FBN1: variants seen among roughly 807,000 people sequenced by gnomAD.
FBN1 encodes the protein fibrillin 1, also known as fibrillin-1.
Under a neutral mutation model 365.1 loss-of-function variants are expected in FBN1, and 29 were observed. The ratio of observed to expected loss-of-function variants is 0.08; its 90% CI spans 0.06 to 0.11. The LOEUF is 0.11. Among genes scored for constraint, FBN1 ranks in the 10% least tolerant of loss-of-function variants. The pLI is 1.00. For synonymous variants in FBN1, 1,210 were observed against 1,270.5 expected, an observed-to-expected ratio of 0.95 and a Z score of 1.01; for missense variants, 2,476 against 3,703.2, an observed-to-expected ratio of 0.67 and a Z score of 8.60.
At chr15:48,549,243 G>T (rs926712673) in intron 6 of FBN1, among the ~76,000 whole-genome samples, 1 of 152,242 alleles carries the variant, frequency 6.6e-6, no homozygotes, top group African/African-American at 2.4e-5. Flanking sequence ...ACATCTGCAA[G>T]TTCGATGAAT....
chr15:48,622,855 A>AT (rs1429114921), intron 2 of FBN1, among the ~76,000 whole-genome samples: 1 of 152,034 alleles, frequency 6.6e-6, no homozygotes, highest in Non-Finnish European at 1.5e-5. Context: ...CACTTCCTCC[A>AT]TTTTTATATC....
In FBN1 at chr15:48,519,042, C is replaced by G. The variant is rs538406435; in HGVS notation, c.1147+1617G>C. Among the ~76,000 whole-genome samples, 8 of 152,308 alleles carry G rather than the reference C, an allele frequency of 5.3e-5. No homozygotes were observed. The East Asian group carries it at 1.5e-3, about 29-fold the overall frequency. On this transcript the variant is annotated intron_variant, in intron 10 of 65. Coordinates refer to ENST00000316623, the MANE Select transcript of FBN1 (RefSeq NM_000138.5). The stretch of plus-strand genomic sequence containing the variant: ...CCTAAACCTGCTCTAGTCCTCTTCT[C>G]TATTCAAAGCCTCAACACAGGAAGG...
chr15:48,435,780 G>A (rs1217171637), intron 53 of FBN1, among the ~76,000 whole-genome samples: 74 of 77,340 alleles, frequency 9.6e-4, no homozygotes, highest in South Asian at 2.9e-3. Flanking sequence ...ATATGTGTGT[G>A]TGTGTGTGTG....
At chr15:48,421,791 C>T in intron 61 of FBN1, 105 bp from the exon 62 acceptor site, 3 of 1,378,190 alleles carry the variant, frequency 2.2e-6, no homozygotes, top group South Asian at 2.4e-5. Context: ...CCAAATAAGG[C>T]CAACAACGCT....
chr15:48,547,334 G>A (rs2044101517), intron 6 of FBN1, among the ~76,000 whole-genome samples: 1 of 152,136 alleles, frequency 6.6e-6, no homozygotes, highest in Non-Finnish European at 1.5e-5. Context: ...ATCCTGGCGT[G>A]GTGGGTGGGA....
At chr15:48,579,377 T>C (rs1475454777) in intron 6 of FBN1, among the ~76,000 whole-genome samples, 2 of 152,244 alleles carry the variant, frequency 1.3e-5, no homozygotes, top group East Asian at 1.9e-4. Flanking sequence ...TTTGGCCTAC[T>C]GCTGAATTTT....
chr15:48,607,739 C>T (rs1035273097), intron 4 of FBN1, among the ~76,000 whole-genome samples: 1 of 152,100 alleles, frequency 6.6e-6, no homozygotes, highest in Non-Finnish European at 1.5e-5. Context: ...CCCAAACTGA[C>T]AAATATATAT....
chr15:48,441,747 A>C lies in FBN1; in HGVS notation c.6137T>G (p.Leu2046Trp). Residue 2046 changes from leucine (L) to tryptophan (W), a missense_variant, in exon 50 of 66, where the codon TTG (leucine) becomes TGG (tryptophan). Transcript: ENST00000316623. ...FKCLCPEGFS[L>W]SSSGRRCQDL... is the part of the protein sequence containing the mutation. ...TTGGCACCTTCTTCCACTGGAGGAC[A>C]AGGAAAACCCTTCTGGACACAGACA... 6.2e-7 allele frequency: 1 copy of C among 1,613,726 alleles called. No individual in the cohort carries two copies. Among genetic ancestry groups the C allele is most frequent in the South Asian group, 1.1e-5 (1 of 91,090 alleles).
chr15:48,447,985 G>C (rs1486872915), intron 46 of FBN1, among the ~76,000 whole-genome samples: 1 of 152,152 alleles, frequency 6.6e-6, no homozygotes, highest in Non-Finnish European at 1.5e-5. Flanking sequence ...AGTTGGGCAG[G>C]ATCATCATAG....
At chr15:48,579,618 C>T (rs1047269174) in intron 6 of FBN1, among the ~76,000 whole-genome samples, 10 of 152,266 alleles carry the variant, frequency 6.6e-5, no homozygotes, top group African/African-American at 2.4e-4. Context: ...TTGACTGAGA[C>T]GTGGACTTCT....
chr15:48,503,759 A>G, intron 17 of FBN1, 28 bp downstream of exon 17: 1 of 1,613,000 alleles, frequency 6.2e-7, no homozygotes, highest in Non-Finnish European at 8.5e-7. Flanking sequence ...GGCTGGCAGT[A>G]CGAGGGCATC....
At chr15:48,461,427 C>T (rs2433394) in intron 42 of FBN1, among the ~76,000 whole-genome samples, 2 of 152,046 alleles carry the variant, frequency 1.3e-5, no homozygotes, top group African/African-American at 4.8e-5. Flanking sequence ...AAAGAAAATG[C>T]GAGGACTTCT....
chr15:48,438,189 A>C (rs545666814), intron 50 of FBN1, among the ~76,000 whole-genome samples: 1 of 152,296 alleles, frequency 6.6e-6, no homozygotes, highest in South Asian at 2.1e-4. Context: ...GAATCCAATA[A>C]AATCCAAAAC....
intron 6 of FBN1, among the ~76,000 whole-genome samples, chr15:48,579,924 A>C (rs2044378309): frequency 6.6e-6 from 1 of 152,224 alleles, no homozygotes; most frequent in Non-Finnish European, 1.5e-5. Context: ...GAGTCTATTA[A>C]ATAAATAATG....
chr15:48,575,661 A>G (rs973699506), intron 6 of FBN1, among the ~76,000 whole-genome samples: 6 of 152,110 alleles, frequency 3.9e-5, no homozygotes, highest in African/African-American at 7.2e-5. Context: ...TAATCCAACA[A>G]TATCTACCCA....
intron 43 of FBN1, among the ~76,000 whole-genome samples, chr15:48,458,702 C>G (rs1414008562): frequency 6.6e-6 from 1 of 152,048 alleles, no homozygotes; most frequent in African/African-American, 2.4e-5. Context: ...TTTTCTTTTC[C>G]TGTCAGGATT....
At chr15:48,533,345 A>G (rs2043988429) in intron 8 of FBN1, among the ~76,000 whole-genome samples, 1 of 152,198 alleles carries the variant, frequency 6.6e-6, no homozygotes, top group African/African-American at 2.4e-5. Flanking sequence ...GCACTCATCA[A>G]AGAAAAGAGA....
intron 9 of FBN1, among the ~76,000 whole-genome samples, chr15:48,524,431 G>C (rs1163058236): frequency 6.6e-6 from 1 of 152,112 alleles, no homozygotes; most frequent in Non-Finnish European, 1.5e-5. Flanking sequence ...ATACTGTCAG[G>C]GGCTATTTGT....
At chr15:48,488,634 T>C in intron 25 of FBN1, 141 bp from the exon 26 acceptor site, 1 of 917,438 alleles carries the variant, frequency 1.1e-6, no homozygotes, top group Non-Finnish European at 1.7e-6. Flanking sequence ...GAATGTGTGA[T>C]GATCCATGAG....
Sources: gnomAD v4.1 joint callset for allele counts (sites outside exome capture counted in the v4.1 genomes callset) on GRCh38, gnomAD v4.1.1 for gene constraint, MANE v1.5 for transcripts, NCBI Gene and HGNC (gene_info 2026-07-23, HGNC 2026-07-21) for gene names.